Variants in TMEM132D observed in about 807,000 individuals in gnomAD.
The protein encoded by TMEM132D is transmembrane protein 132D.
TMEM132D carries 21 observed loss-of-function variants against 62.3 expected under a neutral mutation model. The ratio of observed to expected loss-of-function variants is 0.34; its 90% CI spans 0.24 to 0.49. The LOEUF (loss-of-function observed/expected upper bound fraction) is 0.49, where lower values mean the gene tolerates loss of function less well. TMEM132D is among the 20% of genes least tolerant of loss of function. The probability of loss-of-function intolerance (pLI) is 0.99; values close to 1 mark genes in which losing one functional copy is unlikely to be tolerated. For missense variants in TMEM132D, 1,346 were observed against 1,402.8 expected (o/e 0.96, Z 0.65); for synonymous variants, 621 against 575.6 (o/e 1.08, Z -1.13).
intron 3 of TMEM132D, among the ~76,000 whole-genome samples, chr12:129,361,482 C>A (rs1383039247): frequency 6.6e-6 from 1 of 152,118 alleles, no homozygotes; most frequent in East Asian, 1.9e-4. Flanking sequence ...AATGGAGAAA[C>A]TGCAGGCAGG....
chr12:129,361,442 G>A (rs1870245643), intron 3 of TMEM132D, among the ~76,000 whole-genome samples: 1 of 152,178 alleles, frequency 6.6e-6, no homozygotes, highest in African/African-American at 2.4e-5. Context: ...AAAGCATAGA[G>A]AGCAGCTTTC....
At chr12:129,314,881 T>C (rs373324146) in intron 4 of TMEM132D, among the ~76,000 whole-genome samples, 28 of 152,042 alleles carry the variant, frequency 1.8e-4, no homozygotes, top group African/African-American at 4.6e-4. Flanking sequence ...ATTTATTTAT[T>C]TATCTATCTA....
chr12:129,450,997 C>CAG (rs1205819247), intron 3 of TMEM132D, among the ~76,000 whole-genome samples: 1 of 151,932 alleles, frequency 6.6e-6, no homozygotes, highest in East Asian at 1.9e-4. Flanking sequence ...CTCCTGACCT[C>CAG]GTGATCCACC....
At chr12:129,319,210 C>A (rs1868595071) in intron 4 of TMEM132D, among the ~76,000 whole-genome samples, 1 of 152,192 alleles carries the variant, frequency 6.6e-6, no homozygotes, top group Non-Finnish European at 1.5e-5. Flanking sequence ...TGGCCACCCT[C>A]CCCATAGATC....
intron 1 of TMEM132D, among the ~76,000 whole-genome samples, chr12:129,757,838 C>G (rs1261521564): frequency 6.6e-6 from 1 of 152,180 alleles, no homozygotes; most frequent in Non-Finnish European, 1.5e-5. Flanking sequence ...CCACCCAGAA[C>G]CTTGCTGACC....
At chr12:129,672,995 G>A (rs1194966905) in intron 2 of TMEM132D, among the ~76,000 whole-genome samples, 1 of 152,168 alleles carries the variant, frequency 6.6e-6, no homozygotes, top group African/African-American at 2.4e-5. Flanking sequence ...TGATCTGCCC[G>A]CCACAGCCTC....
intron 3 of TMEM132D, among the ~76,000 whole-genome samples, chr12:129,451,962 T>C (rs920944148): frequency 6.6e-6 from 1 of 152,094 alleles, no homozygotes; most frequent in African/African-American, 2.4e-5. Flanking sequence ...AGATGGTGAG[T>C]AGGCAAGTAG....
intron 3 of TMEM132D, among the ~76,000 whole-genome samples, chr12:129,518,253 A>T (rs966102432): frequency 6.6e-6 from 1 of 152,176 alleles, no homozygotes; most frequent in African/African-American, 2.4e-5. Flanking sequence ...AATTAATAAA[A>T]CTAAGTCATG....
intron 2 of TMEM132D, among the ~76,000 whole-genome samples, chr12:129,670,126 A>G (rs922871810): frequency 6.6e-6 from 1 of 152,194 alleles, no homozygotes; most frequent in Non-Finnish European, 1.5e-5. Flanking sequence ...TGAGGCAGTG[A>G]AAGAGATCTA....
At chr12:129,659,874 C>T (rs1311036073) in intron 2 of TMEM132D, among the ~76,000 whole-genome samples, 1 of 152,172 alleles carries the variant, frequency 6.6e-6, no homozygotes, top group African/African-American at 2.4e-5. Flanking sequence ...GTTCCTATCC[C>T]TAGGTCCAGA....
At chr12:129,797,195 G>A (rs190311072) in intron 1 of TMEM132D, among the ~76,000 whole-genome samples, 4 of 152,256 alleles carry the variant, frequency 2.6e-5, no homozygotes, top group African/African-American at 9.6e-5. Flanking sequence ...TGAGGACACT[G>A]TCTTGCTGTC....
In TMEM132D at chr12:129,666,020, G is replaced by A. The variant is rs1412101564; in HGVS notation, c.968+33790C>T. ...TAAACTGAAACCACCTAAATGGGCC[G>A]ATGGGCTTTGGGTTGCCTCGCAATG... On this transcript the variant is annotated intron_variant, in intron 2 of 8. Transcript: ENST00000422113. Among the ~76,000 whole-genome samples, 6 of 152,140 alleles carry A rather than the reference G, an allele frequency of 3.9e-5. No homozygotes were observed. In the South Asian group the frequency reaches 1.2e-3, roughly 32 times the overall value.
chr12:129,705,146 G>A (rs567338734), intron 1 of TMEM132D, among the ~76,000 whole-genome samples: 1 of 152,308 alleles, frequency 6.6e-6, no homozygotes, highest in South Asian at 2.1e-4. Context: ...AACCATGTGA[G>A]ATGCACATTA....
At chr12:129,712,709 G>A (rs112812385) in intron 1 of TMEM132D, among the ~76,000 whole-genome samples, 80 of 152,300 alleles carry the variant, frequency 5.3e-4, no homozygotes, top group African/African-American at 1.9e-3. Context: ...CATACTGGAC[G>A]TCTCTAGTCA....
chr12:129,252,963 G>A (rs1880308101), intron 4 of TMEM132D, among the ~76,000 whole-genome samples: 2 of 148,034 alleles, frequency 1.4e-5, no homozygotes, highest in African/African-American at 5.0e-5. Context: ...AACACCGCAA[G>A]TTCTCACTCA....
At chr12:129,420,306 G>GTTTTTTCTTTTTTTTTTTTTTT (rs1872268128) in intron 3 of TMEM132D, among the ~76,000 whole-genome samples, 1 of 112,300 alleles carries the variant, frequency 8.9e-6, no homozygotes, top group African/African-American at 4.0e-5. Flanking sequence ...CACGTTCTCT[G>GTTTTTTCTTTTTTTTTTTTTTT]TTTTTTTTTT....
At chr12:129,724,503 TTTTTTTG>T (rs967195727) in intron 1 of TMEM132D, among the ~76,000 whole-genome samples, 1 of 152,112 alleles carries the variant, frequency 6.6e-6, no homozygotes, top group African/African-American at 2.4e-5. Flanking sequence ...ATTTGTGCTA[TTTTTTTG>T]TTTTTTGTTT....
chr12:129,830,746 A>G (rs1399878617), intron 1 of TMEM132D, among the ~76,000 whole-genome samples: 1 of 152,008 alleles, frequency 6.6e-6, no homozygotes, highest in African/African-American at 2.4e-5. Context: ...TTATCTCGTC[A>G]TTTTTCTCTA....
At chr12:129,532,639 C>T (rs887965491) in intron 2 of TMEM132D, among the ~76,000 whole-genome samples, 11 of 152,200 alleles carry the variant, frequency 7.2e-5, no homozygotes, top group Admixed American at 2.0e-4. Context: ...GCGTTCCCTC[C>T]CTTTTCATGG....
Sources: allele counts gnomAD v4.1 joint callset (sites outside exome capture counted in the v4.1 genomes callset), GRCh38; gene constraint gnomAD v4.1.1; transcripts MANE v1.5; gene names NCBI Gene and HGNC (gene_info 2026-07-23, HGNC 2026-07-21).